The following CROCC variants were observed in gnomAD, a reference collection of about 807,000 sequenced individuals.
The protein encoded by CROCC is rootletin.
Under a neutral mutation model 245.2 loss-of-function variants are expected in CROCC, and 180 were observed. That is an observed-to-expected ratio of 0.73 (90% confidence interval 0.65 to 0.83). The LOEUF is 0.83. Ranked by LOEUF, CROCC falls within the 40% of genes least tolerant of loss-of-function variation. The pLI, the probability that CROCC is intolerant of heterozygous loss-of-function variation, is 0.00. For synonymous variants in CROCC, 1,205 were observed against 1,241.6 expected (o/e 0.97, Z 0.62); for missense variants, 2,688 against 2,779.4 (o/e 0.97, Z 0.74).
chr1:16,929,443 TC>T (rs55667815), intron 3 of CROCC, among the ~76,000 whole-genome samples: 112,966 of 151,722 alleles, frequency 0.74, 38,403 homozygotes, highest in East Asian at 0.89. Context: ...ATCCAGGCTT[TC>T]CTGAGCTCAC....
intron 2 of CROCC, among the ~76,000 whole-genome samples, chr1:16,923,674 CTTTTTTTTTTTTT>C (rs61063425): frequency 9.7e-6 from 1 of 103,498 alleles, no homozygotes; most frequent in African/African-American, 3.7e-5. Flanking sequence ...ACTATTCTAC[CTTTTTTTTTTTTT>C]TTTTTTTTTT....
At chr1:16,929,803 T>TC in intron 3 of CROCC, 43 bp from the exon 4 acceptor site, 1 of 1,484,816 alleles carries the variant, frequency 6.7e-7, no homozygotes, top group East Asian at 2.4e-5. Context: ...GAGCCTGCCT[T>TC]CCCAGGAGGC....
intron 8 of CROCC, among the ~76,000 whole-genome samples, chr1:16,935,498 G>T (rs1308429701): frequency 6.6e-6 from 1 of 152,244 alleles, no homozygotes; most frequent in African/African-American, 2.4e-5. Context: ...TCGGCTCTCT[G>T]CAAGCTCCGC....
At chr1:16,926,516 A>C (rs1257019323) in intron 3 of CROCC, among the ~76,000 whole-genome samples, 2 of 152,236 alleles carry the variant, frequency 1.3e-5, no homozygotes, top group Admixed American at 6.5e-5. Flanking sequence ...GATTGTTCTG[A>C]TCTTTCCAAC....
At chr1:16,927,723 A>AG (rs2075567847) in intron 3 of CROCC, among the ~76,000 whole-genome samples, 1 of 152,288 alleles carries the variant, frequency 6.6e-6, no homozygotes, top group Admixed American at 6.5e-5. Flanking sequence ...TGGCTGCCTC[A>AG]GGCCACCGCC....
At chr1:16,955,193 G>A (rs574918119) in intron 23 of CROCC, 119 bp from the exon 24 acceptor site, 42 of 933,428 alleles carry the variant, frequency 4.5e-5, no homozygotes, top group Admixed American at 1.5e-4. Flanking sequence ...CACAGCCTGC[G>A]GTCTGAGCAC....
chr1:16,930,358 A>T lies in CROCC; in HGVS notation c.683+11A>T. 2 of 1,611,008 alleles carry T rather than the reference A, an allele frequency of 1.2e-6. No individual in the cohort carries two copies. Among genetic ancestry groups the T allele is most frequent in the Non-Finnish European group, 1.7e-6 (2 of 1,179,602 alleles). On this transcript the variant is annotated intron_variant, in intron 6 of 36. Coordinates refer to ENST00000375541, the MANE Select transcript of CROCC (RefSeq NM_014675.5). Reference sequence around the variant, plus strand: ...GGAGGAGCAGCAGAGGTGAGGGCGCAGCAGGGAGGGCCAGGGCTGGCAGGA... The same window carrying T: ...GGAGGAGCAGCAGAGGTGAGGGCGCTGCAGGGAGGGCCAGGGCTGGCAGGA...
intron 27 of CROCC, among the ~76,000 whole-genome samples, chr1:16,963,346 G>A (rs1289188690): frequency 6.6e-6 from 1 of 151,984 alleles, no homozygotes; most frequent in East Asian, 1.9e-4. Flanking sequence ...CTGAGTGGAG[G>A]TGCGCCTGTC....
At chr1:16,926,996 G>T (rs1024465521) in intron 3 of CROCC, among the ~76,000 whole-genome samples, 1 of 152,262 alleles carries the variant, frequency 6.6e-6, no homozygotes, top group Non-Finnish European at 1.5e-5. Context: ...ACTGGAGAAG[G>T]GGGAGGAGAA....
In CROCC at chr1:16,971,660, C is replaced by A; in HGVS notation, c.5967+13C>A. The A allele has an allele frequency of 6.8e-7, 1 of 1,467,226 alleles. No individual in the cohort carries two copies. The allele number at this position is 1,467,226 out of a possible 1,614,324, so 90.9% of individuals were successfully genotyped here. ...GCTGGAGGAGCAGGTGTGCAGGCCC[C>A]CTTAGAAGGCTGGGCCAGGATGGAT... is the stretch of plus-strand genomic sequence containing the variant. On this transcript the variant is annotated intron_variant, in intron 36 of 36. Transcript: ENST00000375541.
chr1:16,921,146 G>C (rs567507742), upstream of CROCC, among the ~76,000 whole-genome samples: 898 of 152,224 alleles, frequency 5.9e-3, no homozygotes, highest in Admixed American at 0.01. Flanking sequence ...ATGCACACAC[G>C]ATACTGTTTC....
At chr1:16,918,798 G>T (rs562347959), upstream of CROCC, among the ~76,000 whole-genome samples, 41 of 150,126 alleles carry the variant, frequency 2.7e-4, no homozygotes, top group African/African-American at 1.0e-3. Flanking sequence ...GTACAGTGGT[G>T]CGATCTCAGC....
At chr1:16,956,246 A>G (rs2076249510) in intron 25 of CROCC, 90 bp downstream of exon 25, 7 of 1,324,424 alleles carry the variant, frequency 5.3e-6, no homozygotes, top group African/African-American at 3.0e-5. Context: ...TTCTACCCCT[A>G]TGTAAAACCA....
rs1438475827 is a variant in CROCC, at chr1:16,930,639, G to C, written c.849+45G>C. 1.9e-6 allele frequency: 3 copies of C among 1,572,086 alleles called. No homozygotes were observed. The South Asian group carries it at 3.5e-5, about 18-fold the overall frequency. ...GAGGCCAGCCTGACCCAAGAGGAAG[G>C]GGCACTGCAGAGGAGGGAGGACTCA... On this transcript the variant is annotated intron_variant, in intron 7 of 36. Coordinates refer to ENST00000375541, the MANE Select transcript of CROCC (RefSeq NM_014675.5).
chr1:16,930,401 G>T, intron 6 of CROCC, 28 bp from the exon 7 acceptor site: 1 of 1,611,266 alleles, frequency 6.2e-7, no homozygotes, highest in Non-Finnish European at 8.5e-7. Context: ...CTGCGCGAGC[G>T]CCTACTGATC....
Position 16,966,302 on chromosome 1 carries a change from C to T in CROCC, c.4697-106C>T. 1 of 1,431,318 alleles carries T rather than the reference C, an allele frequency of 7.0e-7. No homozygotes were observed. Among genetic ancestry groups the T allele is most frequent in the South Asian group, 1.4e-5 (1 of 70,332 alleles). The allele number at this position is 1,431,318 out of a possible 1,614,324, so 88.7% of individuals were successfully genotyped here. A position where few individuals can be genotyped will look rare whatever the true frequency, so the allele number is the denominator to read the frequency against. ...GCCCGCATACTACGAAGGGTGCAGA[C>T]AGTCTGGCCCTGCACTGGGTGGAGT... On this transcript the variant is annotated intron_variant, in intron 29 of 36. Transcript: ENST00000375541. This position sits in a 1 kb window ranked among gnomAD's most constrained non-coding sequence, Gnocchi z 4.8.
Position 16,960,546 on chromosome 1 carries a change from C to T in CROCC, c.4033-212C>T, listed in dbSNP as rs375407258. On this transcript the variant is annotated intron_variant, in intron 26 of 36. Transcript: ENST00000375541. ...CTAATAAACTATGGGCATTACAAGG[C>T]TTGTATAAAGAATAAAGAGATTAAT... Among the ~76,000 whole-genome samples, 5 of 152,210 alleles carry T rather than the reference C, an allele frequency of 3.3e-5. No homozygotes were observed. In the East Asian group the frequency reaches 9.6e-4, roughly 29 times the overall value.
rs1266379388 is a variant in CROCC at position 16,944,390 on chromosome 1, C to T, written c.1991+108C>T. ...ACCCACTGGGTCCTGGGCCTCCTAC[C>T]GTCTGGACCCCTCCGATGTCGGGTT... On this transcript the variant is annotated intron_variant, in intron 14 of 36. Coordinates refer to ENST00000375541, the MANE Select transcript of CROCC (RefSeq NM_014675.5). 5.3e-5 allele frequency: 64 copies of T among 1,203,812 alleles called. No homozygotes were observed. The African/African-American group carries it at 6.9e-4, about 13-fold the overall frequency. The allele number at this position is 1,203,812 out of a possible 1,614,324, so 74.6% of individuals were successfully genotyped here.
In CROCC at chr1:16,953,290, C is replaced by A. The variant is rs767393430; in HGVS notation, c.3007-12C>A. On this transcript the variant is annotated splice_polypyrimidine_tract_variant and intron_variant, in intron 20 of 36. Transcript: ENST00000375541. Reference sequence around the variant, plus strand: ...CCTGGTGTGTCACAGGCATCCGGTCCTGGCCCCCTAGGAGGCAGCATGGCG... The same window carrying A: ...CCTGGTGTGTCACAGGCATCCGGTCATGGCCCCCTAGGAGGCAGCATGGCG... 7.6e-6 allele frequency: 12 copies of A among 1,570,280 alleles called. No homozygotes were observed. The highest frequency in any genetic ancestry group is 1.0e-5 in the Non-Finnish European group (12 of 1,160,154).
Sources: allele counts gnomAD v4.1 joint callset (sites outside exome capture counted in the v4.1 genomes callset), GRCh38; gene constraint gnomAD v4.1.1; non-coding constraint Gnocchi (gnomAD v3.1); transcripts MANE v1.5; gene names NCBI Gene and HGNC (gene_info 2026-07-23, HGNC 2026-07-21).